The following CLIP1 variants were observed in gnomAD, a reference collection of about 807,000 sequenced individuals.
CLIP1 encodes the protein CAP-Gly domain containing linker protein 1, also known as CAP-Gly domain-containing linker protein 1.
In CLIP1, 66 loss-of-function variants were observed where a neutral mutation model predicts 161.6. The ratio of observed to expected loss-of-function variants is 0.41; its 90% CI spans 0.33 to 0.50. The LOEUF is 0.50. Among genes scored for constraint, CLIP1 ranks in the 20% least tolerant of loss-of-function variants. The pLI is 0.27. For synonymous variants in CLIP1, 598 were observed against 626.2 expected (o/e 0.96, Z 0.67); for missense variants, 1,376 against 1,702.0 (o/e 0.81, Z 3.37).
At chr12:122,319,061 T>C (rs916717095) in intron 18 of CLIP1, among the ~76,000 whole-genome samples, 171 bp downstream of exon 18, 1 of 152,236 alleles carries the variant, frequency 6.6e-6, no homozygotes, top group Non-Finnish European at 1.5e-5. Context: ...TTGATCCTAA[T>C]AAGTAATGAA....
intron 21 of CLIP1, among the ~76,000 whole-genome samples, chr12:122,288,131 C>T (rs548570290): frequency 1.2e-4 from 18 of 152,016 alleles, no homozygotes; most frequent in African/African-American, 4.3e-4. Context: ...TTCCCAGGTT[C>T]AAGTGATTCT....
intron 20 of CLIP1, among the ~76,000 whole-genome samples, chr12:122,294,531 GGCAGGATGACCACTTGA>G (rs1467125586): frequency 6.6e-6 from 1 of 152,054 alleles, no homozygotes; most frequent in African/African-American, 2.4e-5. Context: ...GGGAGGCCAA[GGCAGGATGACCACTTGA>G]GCCCAGGAGT....
chr12:122,325,021 C>T (rs987382919), intron 17 of CLIP1, among the ~76,000 whole-genome samples: 1 of 151,310 alleles, frequency 6.6e-6, no homozygotes, highest in African/African-American at 2.4e-5. Context: ...AGTGTCTATA[C>T]CAGTGCTATC....
upstream of CLIP1, chr12:122,422,762 G>A (rs1957004829): frequency 7.9e-6 from 1 of 126,522 alleles, no homozygotes; most frequent in Non-Finnish European, 1.8e-5. Flanking sequence ...GTCCGCACCG[G>A]CCCTGCGGCC....
intron 5 of CLIP1, among the ~76,000 whole-genome samples, chr12:122,357,946 A>C (rs1312363448): frequency 6.4e-4 from 98 of 152,154 alleles, no homozygotes; most frequent in South Asian, 3.3e-3. Flanking sequence ...TGTACCCAAC[A>C]GCTCATTGAG....
Position 122,351,141 on chromosome 12 carries a change from T to C in CLIP1, c.1371A>G (p.Gln457=), listed in dbSNP as rs117592229. ...EESITKGDLE[Q]KSQISEDPEN... is the part of the protein sequence containing the mutation. ...CAGGATCTTCAGAAATCTGGCTCTT[T>C]TGCTATCAGTAAAAAAATAAAAAAA... The change falls in exon 9 of 26, where the codon CAA becomes CAG. Residue 457 remains glutamine, a splice_region_variant and synonymous_variant. Transcript: ENST00000620786. 13,665 of 1,496,404 alleles carry C rather than the reference T, an allele frequency of 9.1e-3. 81 individuals are homozygous for C. Among genetic ancestry groups the C allele is most frequent in the Non-Finnish European group, 0.011 (12,297 of 1,130,782 alleles). 92.7% of individuals were successfully genotyped at this position (1,496,404 alleles called of 1,614,324 possible).
intron 20 of CLIP1, among the ~76,000 whole-genome samples, chr12:122,307,991 T>C (rs1950932868): frequency 6.6e-6 from 1 of 152,242 alleles, no homozygotes; most frequent in Non-Finnish European, 1.5e-5. Flanking sequence ...TAGGCATTAC[T>C]TTCTAACACT....
At chr12:122,405,006 T>C (rs1289403850) in intron 1 of CLIP1, among the ~76,000 whole-genome samples, 4 of 152,104 alleles carry the variant, frequency 2.6e-5, no homozygotes, top group African/African-American at 7.2e-5. Context: ...GCCTTGTCTA[T>C]AGGACTGACT....
chr12:122,387,020 A>G (rs956062623), intron 1 of CLIP1, among the ~76,000 whole-genome samples: 3 of 152,012 alleles, frequency 2.0e-5, no homozygotes, highest in South Asian at 2.1e-4. Context: ...CCTCCCATGT[A>G]TCTAGTACTA....
intron 24 of CLIP1, chr12:122,275,787 A>G (rs1372428736): frequency 6.6e-6 from 1 of 152,208 alleles, no homozygotes; most frequent in African/African-American, 2.4e-5. Flanking sequence ...CTCATTTATC[A>G]ACTGACTGAT....
At position 122,293,002 on chromosome 12, in the gene CLIP1, C is replaced by CAAAAAAAAAA. The variant is rs57326141; in HGVS notation, c.3595-4471_3595-4462dup. ...TGGGCAAAAGAGCAAGACTCTGTCT[C>CAAAAAAAAAA]AAAAAAAAAAAAAAAAAAAAGGCAA... On this transcript the variant is annotated intron_variant, in intron 20 of 25. Coordinates refer to ENST00000620786, the MANE Select transcript of CLIP1 (RefSeq NM_001247997.2). 5.6e-3 allele frequency among the ~76,000 whole-genome samples: 244 copies of CAAAAAAAAAA among 43,414 alleles called. 6 individuals carry two copies. The highest frequency in any genetic ancestry group is 0.011 in the Middle Eastern group (1 of 90). 28.5% of individuals were successfully genotyped at this position (43,414 alleles called of 152,430 possible). A position where few individuals can be genotyped will look rare whatever the true frequency, so the allele number is the denominator to read the frequency against.
At chr12:122,382,784 C>T (rs551637316) in intron 1 of CLIP1, among the ~76,000 whole-genome samples, 1 of 152,136 alleles carries the variant, frequency 6.6e-6, no homozygotes, top group Admixed American at 6.6e-5. Flanking sequence ...TGGCATTTAC[C>T]TGAAGACAGA....
intron 1 of CLIP1, among the ~76,000 whole-genome samples, chr12:122,386,823 C>CA (rs10538864): frequency 0.47 from 57,667 of 123,898 alleles, 13,323 homozygotes; most frequent in Admixed American, 0.52. Context: ...CAATATGTCT[C>CA]AAAAAAAAAA....
chr12:122,420,988 G>C (rs1956920324), intron 1 of CLIP1, among the ~76,000 whole-genome samples: 1 of 150,822 alleles, frequency 6.6e-6, no homozygotes, highest in South Asian at 2.1e-4. Flanking sequence ...GACTAGCCTT[G>C]CTTTTTGCCA....
At chr12:122,371,234 C>G (rs1184293220) in intron 3 of CLIP1, among the ~76,000 whole-genome samples, 1 of 152,128 alleles carries the variant, frequency 6.6e-6, no homozygotes, top group Admixed American at 6.6e-5. Context: ...GCACTCAGTA[C>G]TCAGGCCTGT....
At chr12:122,327,461 AG>A (rs2136724771) in intron 17 of CLIP1, among the ~76,000 whole-genome samples, 1 of 152,180 alleles carries the variant, frequency 6.6e-6, no homozygotes, top group Admixed American at 6.5e-5. Flanking sequence ...CCCTCTGTGG[AG>A]TTCTCAATTC....
In CLIP1 at chr12:122,347,549, C is replaced by G. The variant is rs1339137310; in HGVS notation, c.1402-70G>C. The G allele has an allele frequency of 3.4e-5, 40 of 1,165,806 alleles. 1 individual carries two copies. The Admixed American group carries it at 6.1e-4, about 18-fold the overall frequency. 72.2% of individuals were successfully genotyped at this position (1,165,806 alleles called of 1,614,324 possible). ...TGACATGCCAGCACGAGAGGAGAGA[C>G]AGCGGCATGCAGGCTGAGCCACCAG... On this transcript the variant is annotated intron_variant, in intron 9 of 25. Coordinates refer to ENST00000620786, the MANE Select transcript of CLIP1 (RefSeq NM_001247997.2).
intron 20 of CLIP1, among the ~76,000 whole-genome samples, chr12:122,305,275 C>T (rs1212336163): frequency 2.6e-5 from 4 of 152,054 alleles, no homozygotes; most frequent in Admixed American, 2.6e-4. Context: ...TTTAGAATTC[C>T]CTATGAAAAG....
At chr12:122,278,428 CCTG>C in intron 23 of CLIP1, 2 of 573,930 alleles carry the variant, frequency 3.5e-6, no homozygotes. Flanking sequence ...CTCCCTCAGG[CCTG>C]CTAACTCCTG....
Sources: allele counts gnomAD v4.1 joint callset (sites outside exome capture counted in the v4.1 genomes callset), GRCh38; gene constraint gnomAD v4.1.1; transcripts MANE v1.5; gene names NCBI Gene and HGNC (gene_info 2026-07-23, HGNC 2026-07-21).